Variants in KCNMA1 observed in about 807,000 individuals in gnomAD.
KCNMA1 encodes the protein Calcium-activated potassium channel subunit alpha-1.
KCNMA1 carries 29 observed loss-of-function variants against 140.0 expected under a neutral mutation model. That is an observed-to-expected ratio of 0.21 (90% CI 0.15 to 0.28). KCNMA1 has a LOEUF of 0.28. Ranked by LOEUF, KCNMA1 falls within the 10% of genes least tolerant of loss-of-function variation. The pLI is 1.00. For synonymous variants in KCNMA1, 612 were observed against 611.9 expected (o/e 1.00, Z 0.00); for missense variants, 880 against 1,602.2 (o/e 0.55, Z 7.70).
intron 3 of KCNMA1, among the ~76,000 whole-genome samples, chr10:77,204,562 C>T (rs1181537859): frequency 6.6e-6 from 1 of 152,046 alleles, no homozygotes; most frequent in African/African-American, 2.4e-5. Context: ...CCCCTGTAAA[C>T]ATTATAAAAT....
chr10:77,200,482 C>A (rs2042103468), intron 3 of KCNMA1, among the ~76,000 whole-genome samples: 1 of 152,108 alleles, frequency 6.6e-6, no homozygotes, highest in Admixed American at 6.5e-5. Context: ...TTCTTCAGGG[C>A]CTGCTGCTGT....
intron 18 of KCNMA1, among the ~76,000 whole-genome samples, chr10:77,010,887 C>T (rs531434379): frequency 4.6e-5 from 7 of 152,046 alleles, no homozygotes; most frequent in Admixed American, 3.3e-4. Context: ...GCCCACATTG[C>T]CTTTCCCTTC....
At chr10:77,138,966 G>C (rs1271472093) in intron 5 of KCNMA1, among the ~76,000 whole-genome samples, 1 of 152,180 alleles carries the variant, frequency 6.6e-6, no homozygotes, top group African/African-American at 2.4e-5. Flanking sequence ...AATCTAAAAT[G>C]ATCTCATTTG....
At chr10:77,327,002 G>A (rs2084459619) in intron 2 of KCNMA1, among the ~76,000 whole-genome samples, 1 of 152,074 alleles carries the variant, frequency 6.6e-6, no homozygotes, top group Non-Finnish European at 1.5e-5. Context: ...TGGGGAAATG[G>A]AAGAAATTGG....
intron 1 of KCNMA1, among the ~76,000 whole-genome samples, chr10:77,470,861 T>C (rs529649646): frequency 5.9e-5 from 9 of 152,268 alleles, no homozygotes; most frequent in South Asian, 2.1e-4. Flanking sequence ...ACTTTGTTCC[T>C]TGAGCTAAAT....
intron 1 of KCNMA1, among the ~76,000 whole-genome samples, chr10:77,428,653 G>A (rs2154492916): frequency 6.6e-6 from 1 of 152,184 alleles, no homozygotes; most frequent in East Asian, 1.9e-4. Flanking sequence ...CAGTCTCTGT[G>A]GGTCAGCCTG....
chr10:77,043,854 A>T (rs1307303535), intron 14 of KCNMA1, among the ~76,000 whole-genome samples: 1 of 152,224 alleles, frequency 6.6e-6, no homozygotes, highest in Admixed American at 6.5e-5. Context: ...GGGAATGAGG[A>T]GTCATCGTTT....
At chr10:77,338,490 C>T (rs553875144) in intron 2 of KCNMA1, among the ~76,000 whole-genome samples, 8 of 152,304 alleles carry the variant, frequency 5.3e-5, no homozygotes, top group Non-Finnish European at 8.8e-5. Context: ...CTTACAGACC[C>T]TAAGCCTCTG....
At chr10:77,460,698 G>C (rs972884250) in intron 1 of KCNMA1, among the ~76,000 whole-genome samples, 1 of 152,180 alleles carries the variant, frequency 6.6e-6, no homozygotes, top group Non-Finnish European at 1.5e-5. Context: ...TACACTAAAA[G>C]CCCATGTTGT....
intron 19 of KCNMA1, among the ~76,000 whole-genome samples, chr10:76,996,971 T>A (rs1426165670): frequency 1.3e-5 from 2 of 152,198 alleles, no homozygotes; most frequent in Non-Finnish European, 2.9e-5. Context: ...ACTGTCAGGA[T>A]AGGGTGTGTC....
chr10:77,263,839 G>A (rs11599090), intron 2 of KCNMA1, among the ~76,000 whole-genome samples: 38,714 of 152,046 alleles, frequency 0.25, 5,986 homozygotes, highest in Admixed American at 0.34. Flanking sequence ...ACAATGGACT[G>A]GGCTTGCTAA....
rs534265456 is a variant in KCNMA1 at position 77,071,465 on chromosome 10, C to T, written c.1749+1632G>A. 3 of 152,336 alleles carry T rather than the reference C, an allele frequency of 2.0e-5. No individual in the cohort carries two copies. In the South Asian group the frequency reaches 6.2e-4, roughly 32 times the overall value. The allele number at this position is 152,336 out of a possible 1,614,324, so 9.4% of individuals were successfully genotyped here. ...TGATTGAAAGAGCCAGAGAAGTTCT[C>T]GTGGTGACAGTCCTTTATCCTGAGT... On this transcript the variant is annotated intron_variant, in intron 14 of 27. Coordinates refer to ENST00000286628, the MANE Select transcript of KCNMA1 (RefSeq NM_001161352.2).
chr10:77,349,928 C>G (rs1419188648), intron 2 of KCNMA1, among the ~76,000 whole-genome samples: 3 of 152,166 alleles, frequency 2.0e-5, no homozygotes, highest in Non-Finnish European at 2.9e-5. Flanking sequence ...GAGTCTCGCT[C>G]TGTCACCCAG....
intron 1 of KCNMA1, among the ~76,000 whole-genome samples, chr10:77,565,003 G>A (rs1327851848): frequency 6.6e-6 from 1 of 152,220 alleles, no homozygotes; most frequent in Admixed American, 6.5e-5. Context: ...CAGGAGGCAA[G>A]GGCAATGAGT....
At position 77,554,123 on chromosome 10, in the gene KCNMA1, C is replaced by T. The variant is rs141983620; in HGVS notation, c.378+83142G>A. ...TCTTCAAAGCAAGCTGAGTAAATCT[C>T]TTGGTAACAAGCCAAGCCGGACTGC... On this transcript the variant is annotated intron_variant, in intron 1 of 27. Transcript: ENST00000286628. Among the ~76,000 whole-genome samples, 359 of 152,246 alleles carry T rather than the reference C, an allele frequency of 2.4e-3. 8 individuals carry two copies. In the South Asian group the frequency reaches 0.025, roughly 11 times the overall value.
chr10:77,519,489 T>A (rs1278538820), intron 1 of KCNMA1, among the ~76,000 whole-genome samples: 13 of 101,014 alleles, frequency 1.3e-4, no homozygotes, highest in Admixed American at 3.9e-4. Context: ...ACTGAGAAGA[T>A]AATTGATTTT....
At chr10:76,927,009 G>A (rs1015056262) in intron 23 of KCNMA1, among the ~76,000 whole-genome samples, 4 of 152,048 alleles carry the variant, frequency 2.6e-5, no homozygotes, top group Non-Finnish European at 4.4e-5. Flanking sequence ...GATCACAGTC[G>A]TGGCAATGGC....
At chr10:77,014,922 G>A (rs933696594) in intron 17 of KCNMA1, among the ~76,000 whole-genome samples, 1 of 152,164 alleles carries the variant, frequency 6.6e-6, no homozygotes, top group Non-Finnish European at 1.5e-5. Flanking sequence ...CTGAGCAACG[G>A]AGTTTCGCTG....
In KCNMA1 at chr10:76,953,883, T is replaced by A. The variant is rs1290688145; in HGVS notation, c.2402A>T (p.Asn801Ile). 1 of 1,613,950 alleles carries A rather than the reference T, an allele frequency of 6.2e-7. No individual in the cohort carries two copies. The highest frequency in any genetic ancestry group is 1.3e-5 in the African/African-American group (1 of 74,926). The change falls in exon 21 of 28, where the codon AAC becomes ATC. Residue 801 changes from asparagine to isoleucine, a missense_variant. Coordinates refer to ENST00000286628, the MANE Select transcript of KCNMA1 (RefSeq NM_001161352.2). ...LLIPGNDQIDNMDSNVKKYDS... is the reference protein window; with the variant it reads ...LLIPGNDQIDIMDSNVKKYDS... ...GTACTTCTTCACATTGGAGTCCATGTTGTCAATCTGATCATTGCCAGGAAT... is the reference window on the plus strand; with the variant it reads ...GTACTTCTTCACATTGGAGTCCATGATGTCAATCTGATCATTGCCAGGAAT...
Sources: gnomAD v4.1 joint callset for allele counts (sites outside exome capture counted in the v4.1 genomes callset) on GRCh38, gnomAD v4.1.1 for gene constraint, MANE v1.5 for transcripts, NCBI Gene and HGNC (gene_info 2026-07-23, HGNC 2026-07-21) for gene names.